KIAA0232: variants seen among roughly 807,000 people sequenced by gnomAD.
KIAA0232 encodes the protein uncharacterized protein KIAA0232.
In KIAA0232, 27 loss-of-function variants were observed where a neutral mutation model predicts 122.0. The observed-to-expected ratio is 0.22, with a 90% CI of 0.16 to 0.31. KIAA0232 has a LOEUF of 0.31. KIAA0232 is among the 10% of genes least tolerant of loss of function. The pLI is 1.00. For missense variants in KIAA0232, 1,551 were observed against 1,634.2 expected, an observed-to-expected ratio of 0.95 and a Z score of 0.88; for synonymous variants, 613 against 587.6, an observed-to-expected ratio of 1.04 and a Z score of -0.63.
intron 1 of KIAA0232, among the ~76,000 whole-genome samples, chr4:6,794,660 C>T (rs539694807): frequency 6.6e-4 from 101 of 152,236 alleles, no homozygotes; most frequent in African/African-American, 2.3e-3. Context: ...ACCTGAGGAG[C>T]AGAGCATTTC....
intron 2 of KIAA0232, among the ~76,000 whole-genome samples, chr4:6,814,438 T>A (rs1291196757): frequency 6.6e-6 from 1 of 152,032 alleles, no homozygotes; most frequent in East Asian, 1.9e-4. Context: ...GGCTAACATA[T>A]TTTAAATAAT....
intron 3 of KIAA0232, among the ~76,000 whole-genome samples, chr4:6,833,254 A>G (rs1379608973): frequency 1.3e-5 from 2 of 152,204 alleles, no homozygotes; most frequent in Non-Finnish European, 2.9e-5. Context: ...ATAACCTTCT[A>G]CATCACAAGC....
At position 6,857,367 on chromosome 4, in the gene KIAA0232, A is replaced by C. The variant is rs2108784687; in HGVS notation, c.436+137A>C. 3 of 605,416 alleles carry C rather than the reference A, an allele frequency of 5.0e-6. No individual in the cohort carries two copies. The Middle Eastern group carries it at 8.2e-4, about 166-fold the overall frequency. 37.5% of individuals were successfully genotyped at this position (605,416 alleles called of 1,614,324 possible). The stretch of plus-strand genomic sequence containing the variant: ...TGTGTCCAGTGTGTGTCACTAGGCC[A>C]GCCTCATGCTCCATCTGCAGCTCTG... On this transcript the variant is annotated intron_variant, in intron 5 of 9. Transcript: ENST00000307659.
intron 1 of KIAA0232, among the ~76,000 whole-genome samples, chr4:6,795,051 G>C (rs371284436): frequency 6.7e-6 from 1 of 150,144 alleles, no homozygotes; most frequent in East Asian, 1.9e-4. Flanking sequence ...GTTAAATAAG[G>C]CAGCCACAAG....
At chr4:6,867,308 T>C (rs1167098103) in intron 7 of KIAA0232, among the ~76,000 whole-genome samples, 1 of 152,052 alleles carries the variant, frequency 6.6e-6, no homozygotes, top group African/African-American at 2.4e-5. Flanking sequence ...CATATCTGAG[T>C]GTCCAGAGTA....
rs1722090861 is a variant in KIAA0232, at chr4:6,881,944, C to T, written c.*978C>T. 6.6e-6 allele frequency: 1 copy of T among 152,638 alleles called. No homozygotes were observed. The highest frequency in any genetic ancestry group is 2.1e-4 in the South Asian group (1 of 4,830). The allele number at this position is 152,638 out of a possible 1,614,324, so 9.5% of individuals were successfully genotyped here. A position where few individuals can be genotyped will look rare whatever the true frequency, so the allele number is the denominator to read the frequency against. On this transcript the variant is annotated 3_prime_UTR_variant, in exon 10 of 10. Coordinates refer to ENST00000307659, the MANE Select transcript of KIAA0232 (RefSeq NM_014743.3). ...GGCTGTGATGTAGTATAGCTTCGAT[C>T]TCATTTTGTGTTTGAGAGAATGTTC...
chr4:6,859,813 C>G (rs753655724), intron 6 of KIAA0232, among the ~76,000 whole-genome samples: 1 of 152,198 alleles, frequency 6.6e-6, no homozygotes, highest in Non-Finnish European at 1.5e-5. Context: ...CTGCCCTTTG[C>G]AATCTGTTCT....
At position 6,855,499 on chromosome 4, in the gene KIAA0232, C is replaced by T. The variant is rs933568607; in HGVS notation, c.370-1665C>T. Among the ~76,000 whole-genome samples, 3 of 151,996 alleles carry T rather than the reference C, an allele frequency of 2.0e-5. No homozygotes were observed. The highest frequency in any genetic ancestry group is 7.2e-5 in the African/African-American group (3 of 41,442). Reference sequence around the variant, plus strand: ...GAGTAAGGAGTAAGCTCTTATTTTGCTGTTTAAACATGAGAGCAAAAAAAA... The same window carrying T: ...GAGTAAGGAGTAAGCTCTTATTTTGTTGTTTAAACATGAGAGCAAAAAAAA... On this transcript the variant is annotated intron_variant, in intron 4 of 9. Coordinates refer to ENST00000307659, the MANE Select transcript of KIAA0232 (RefSeq NM_014743.3). This position sits in a 1 kb window ranked among gnomAD's most constrained non-coding sequence, Gnocchi z 4.3.
chr4:6,870,741 G>T (rs1418681970), intron 7 of KIAA0232, among the ~76,000 whole-genome samples: 1 of 151,728 alleles, frequency 6.6e-6, no homozygotes, highest in African/African-American at 2.4e-5. Context: ...GGCAGAAGTT[G>T]CAGTGAGCTG....
chr4:6,863,788 C>T lies in KIAA0232; in HGVS notation c.3406C>T (p.Pro1136Ser), dbSNP rs373742606. The change falls in exon 7 of 10, where the codon CCC (proline) becomes TCC (serine). Residue 1136 changes from proline (P) to serine (S), a missense_variant. This residue lies in a region of KIAA0232 where 1,108 missense variants were observed against 1,154.8 expected (regional missense o/e 0.96). Transcript: ENST00000307659. ...FESEKDEANIPIPSQVDIFED... is the reference protein window; with the variant it reads ...FESEKDEANISIPSQVDIFED... Reference sequence around the variant, plus strand: ...ATCTGAGAAAGATGAAGCAAATATTCCCATTCCTTCTCAAGTTGATATATT... The same window carrying T: ...ATCTGAGAAAGATGAAGCAAATATTTCCATTCCTTCTCAAGTTGATATATT... 225 of 1,614,020 alleles carry T rather than the reference C, an allele frequency of 1.4e-4. No individual in the cohort carries two copies. Among genetic ancestry groups the T allele is most frequent in the Non-Finnish European group, 1.8e-4 (209 of 1,180,030 alleles).
In KIAA0232 at chr4:6,861,987, T is replaced by A; in HGVS notation, c.1605T>A (p.Asn535Lys). 2 of 1,614,180 alleles carry A rather than the reference T, an allele frequency of 1.2e-6. No individual in the cohort carries two copies. The highest frequency in any genetic ancestry group is 2.2e-5 in the South Asian group (2 of 91,084). Reference protein sequence around the residue: ...ETMQGESRILNMIRQKSKENT... With the variant: ...ETMQGESRILKMIRQKSKENT... ...TGCAAGGAGAAAGTCGGATTTTGAA[T>A]ATGATTCGACAGAAAAGCAAAGAGA... The change falls in exon 7 of 10, where the codon AAT (asparagine) becomes AAA (lysine). Residue 535 changes from asparagine to lysine, a missense_variant. Asn to Lys is a moderately conservative substitution (Grantham distance 94). This residue lies in a region of KIAA0232 where 1,108 missense variants were observed against 1,154.8 expected (regional missense o/e 0.96). Coordinates refer to ENST00000307659, the MANE Select transcript of KIAA0232 (RefSeq NM_014743.3).
chr4:6,862,050 T>C lies in KIAA0232; in HGVS notation c.1668T>C (p.Asp556=), dbSNP rs776940791. 11 of 1,614,052 alleles carry C rather than the reference T, an allele frequency of 6.8e-6. No individual in the cohort carries two copies. In the East Asian group the frequency reaches 2.4e-4, roughly 36 times the overall value. ...AGGCAGAATGTTGCATAGTGTTAGA[T>C]GGTATGGAGTTGCAAGGGGAACGTG... ...DFEAECCIVL[D]GMELQGERAI... is the part of the protein sequence containing the mutation. Residue 556 remains aspartate (D), a synonymous_variant, in exon 7 of 10, where the codon GAT becomes GAC. Coordinates refer to ENST00000307659, the MANE Select transcript of KIAA0232 (RefSeq NM_014743.3).
intron 3 of KIAA0232, among the ~76,000 whole-genome samples, chr4:6,836,437 T>C (rs1719275336): frequency 6.6e-6 from 1 of 151,632 alleles, no homozygotes; most frequent in Non-Finnish European, 1.5e-5. Context: ...TTTCTTGTAC[T>C]TGTAGAAATA....
chr4:6,864,043 ATAGATT>A lies in KIAA0232; in HGVS notation c.3666_3671del (p.Asp1222_Leu1223del), dbSNP rs1404087815. On this transcript the variant is annotated inframe_deletion, in exon 7 of 10. Transcript: ENST00000307659. ...ATGTAGCATGAATGAATCCCTGGAAATAGATTTAGAAAGCTCAGAAGCAAATTGTAA... is the reference window on the plus strand; with the variant it reads ...ATGTAGCATGAATGAATCCCTGGAAATAGAAAGCTCAGAAGCAAATTGTAA... 4.3e-6 allele frequency: 7 copies of A among 1,614,228 alleles called. No individual in the cohort carries two copies. Among genetic ancestry groups the A allele is most frequent in the Non-Finnish European group, 5.9e-6 (7 of 1,180,034 alleles).
chr4:6,816,215 T>C (rs776572707), intron 2 of KIAA0232, among the ~76,000 whole-genome samples: 1 of 152,092 alleles, frequency 6.6e-6, no homozygotes, highest in Non-Finnish European at 1.5e-5. Flanking sequence ...TACCTGAAAA[T>C]TTGTGTAAAA....
intron 4 of KIAA0232, among the ~76,000 whole-genome samples, chr4:6,854,010 C>G (rs1720436243): frequency 2.6e-5 from 4 of 152,166 alleles, no homozygotes; most frequent in Non-Finnish European, 4.4e-5. Flanking sequence ...AGAGAAGGAG[C>G]AGGCCATGAA....
rs915538118 is a variant in KIAA0232, at chr4:6,785,008, A to G, written c.-354+2167A>G. 2.8e-5 allele frequency among the ~76,000 whole-genome samples: 4 copies of G among 144,350 alleles called. No individual in the cohort carries two copies. In the East Asian group the frequency reaches 6.1e-4, roughly 22 times the overall value. The allele number at this position is 144,350 out of a possible 152,430, so 94.7% of individuals were successfully genotyped here. A position where few individuals can be genotyped will look rare whatever the true frequency, so the allele number is the denominator to read the frequency against. Reference sequence around the variant, plus strand: ...AGGCTGGAGTCCGCGATCTCGGCTCACTCACTGCAACCTCCGCCCGCCGGG... The same window carrying G: ...AGGCTGGAGTCCGCGATCTCGGCTCGCTCACTGCAACCTCCGCCCGCCGGG... On this transcript the variant is annotated intron_variant, in intron 1 of 9. Transcript: ENST00000307659.
intron 1 of KIAA0232, among the ~76,000 whole-genome samples, chr4:6,785,139 G>A (rs1213248690): frequency 2.0e-5 from 3 of 151,956 alleles, no homozygotes; most frequent in East Asian, 1.9e-4. Context: ...GGGCTTCACC[G>A]TGTTAGCCAG....
At chr4:6,858,594 T>C (rs925293093) in intron 6 of KIAA0232, 88 bp downstream of exon 6, 10 of 805,156 alleles carry the variant, frequency 1.2e-5, no homozygotes, top group South Asian at 3.6e-5. Flanking sequence ...CTGTTTGTCA[T>C]CTTGTTTAGT....
Sources: gnomAD v4.1 joint callset for allele counts (sites outside exome capture counted in the v4.1 genomes callset) on GRCh38, gnomAD v4.1.1 for gene constraint, gnomAD v4.1.1 regional missense constraint, Gnocchi (gnomAD v3.1) non-coding constraint, MANE v1.5 for transcripts, NCBI Gene and HGNC (gene_info 2026-07-23, HGNC 2026-07-21) for gene names.